Variants in ANXA13 observed in about 807,000 individuals in gnomAD.
ANXA13 encodes annexin XIII.
A neutral mutation model predicts 46.6 loss-of-function variants in ANXA13; 36 were observed. The observed-to-expected ratio is 0.77, with a 90% CI of 0.59 to 1.02. The LOEUF is 1.02. Among genes scored for constraint, ANXA13 ranks in the 50% least tolerant of loss-of-function variants. The probability of loss-of-function intolerance (pLI) is 0.00; values close to 1 mark genes in which losing one functional copy is unlikely to be tolerated. For missense variants in ANXA13, 417 were observed against 396.5 expected, an observed-to-expected ratio of 1.05 and a Z score of -0.44; for synonymous variants, 163 against 152.9, an observed-to-expected ratio of 1.07 and a Z score of -0.49.
intron 2 of ANXA13, among the ~76,000 whole-genome samples, chr8:123,708,402 T>C (rs925554219): frequency 2.6e-5 from 4 of 152,176 alleles, no homozygotes; most frequent in African/African-American, 9.7e-5. Context: ...AGAACAGTGA[T>C]CGGGGCTGTG....
chr8:123,708,342 A>G (rs1168519439), intron 2 of ANXA13, among the ~76,000 whole-genome samples: 1 of 152,174 alleles, frequency 6.6e-6, no homozygotes, highest in Admixed American at 6.5e-5. Context: ...GTCACATTTC[A>G]GCAGGAAGGG....
At chr8:123,722,833 GGCTGTTAGGAA>G (rs1384665026) in intron 1 of ANXA13, among the ~76,000 whole-genome samples, 3 of 152,262 alleles carry the variant, frequency 2.0e-5, no homozygotes, top group South Asian at 4.1e-4. Flanking sequence ...GCCCTTCAAA[GGCTGTTAGGAA>G]GCTTCTTCCT....
At chr8:123,728,345 G>T (rs773413574) in intron 1 of ANXA13, 3 of 152,182 alleles carry the variant, frequency 2.0e-5, no homozygotes, top group Non-Finnish European at 4.4e-5. Flanking sequence ...AGGATAAAGT[G>T]GTTGTGTGGA....
At chr8:123,736,204 C>T (rs912406281) in intron 1 of ANXA13, among the ~76,000 whole-genome samples, 17 of 152,134 alleles carry the variant, frequency 1.1e-4, no homozygotes, top group Non-Finnish European at 2.1e-4. Flanking sequence ...GAAGGAAAAA[C>T]CTTATAGACA....
At chr8:123,719,697 G>C (rs1248374804) in intron 1 of ANXA13, among the ~76,000 whole-genome samples, 1 of 152,182 alleles carries the variant, frequency 6.6e-6, no homozygotes, top group African/African-American at 2.4e-5. Context: ...CTGTGTACTT[G>C]CGTGCTTACT....
At chr8:123,722,079 A>G (rs566281598) in intron 1 of ANXA13, among the ~76,000 whole-genome samples, 15 of 152,200 alleles carry the variant, frequency 9.9e-5, no homozygotes, top group African/African-American at 3.6e-4. Context: ...CCAAGGCGGG[A>G]GGATTGCTTG....
chr8:123,703,983 G>A (rs1174814653), intron 2 of ANXA13, among the ~76,000 whole-genome samples: 1 of 152,096 alleles, frequency 6.6e-6, no homozygotes, highest in East Asian at 1.9e-4. Context: ...CATGACATTG[G>A]GCAAGTGATT....
intron 10 of ANXA13, among the ~76,000 whole-genome samples, chr8:123,682,745 T>C (rs1189731265): frequency 1.1e-4 from 17 of 152,050 alleles, no homozygotes. Flanking sequence ...AGGGATGGGG[T>C]GCACAGGGCT....
At chr8:123,700,842 C>T (rs1405935593) in intron 3 of ANXA13, among the ~76,000 whole-genome samples, 1 of 151,606 alleles carries the variant, frequency 6.6e-6, no homozygotes, top group Non-Finnish European at 1.5e-5. Context: ...TCTTTCCTTT[C>T]CACAGGGTCT....
intron 3 of ANXA13, 128 bp downstream of exon 3, chr8:123,702,514 T>G: frequency 1.4e-6 from 1 of 725,392 alleles, no homozygotes; most frequent in Non-Finnish European, 2.3e-6. Flanking sequence ...TAAGTGGTTA[T>G]TTCACTTTTC....
intron 1 of ANXA13, among the ~76,000 whole-genome samples, chr8:123,714,872 T>C (rs1253426094): frequency 1.3e-5 from 2 of 152,204 alleles, no homozygotes; most frequent in Non-Finnish European, 2.9e-5. Flanking sequence ...GCCTTCCAGG[T>C]AAGGAAACCT....
intron 2 of ANXA13, 95 bp from the exon 3 acceptor site, chr8:123,702,831 T>A: frequency 1.8e-6 from 2 of 1,142,176 alleles, no homozygotes; most frequent in Non-Finnish European, 2.6e-6. Context: ...ACTCACAGCT[T>A]AAAGGTGGTT....
chr8:123,682,906 C>A (rs1052250812), intron 10 of ANXA13, among the ~76,000 whole-genome samples: 1 of 152,192 alleles, frequency 6.6e-6, no homozygotes, highest in African/African-American at 2.4e-5. Flanking sequence ...GAATAAAACA[C>A]TCCGTGGGCC....
intron 1 of ANXA13, among the ~76,000 whole-genome samples, chr8:123,713,271 C>G (rs976574679): frequency 6.6e-6 from 1 of 152,148 alleles, no homozygotes; most frequent in Non-Finnish European, 1.5e-5. Context: ...AGTAAAAGCA[C>G]AGTTTTGGTT....
intron 2 of ANXA13, among the ~76,000 whole-genome samples, chr8:123,708,250 A>G (rs1813582185): frequency 6.6e-6 from 1 of 152,198 alleles, no homozygotes; most frequent in Non-Finnish European, 1.5e-5. Flanking sequence ...GAGGTCAAAG[A>G]CGGGGCAATA....
chr8:123,726,941 A>G (rs1814011022), intron 1 of ANXA13, among the ~76,000 whole-genome samples: 2 of 152,232 alleles, frequency 1.3e-5, no homozygotes, highest in Admixed American at 1.3e-4. Context: ...TTCTAAGTGA[A>G]GTAACTCAGG....
rs1563607780 is a variant in ANXA13 at position 123,695,529 on chromosome 8, T to C, written c.444A>G (p.Leu148=). Residue 148 remains leucine, a synonymous_variant, in exon 6 of 11, where the codon CTA becomes CTG. Transcript: ENST00000419625. Reference sequence around the variant, plus strand: ...GCAGCAGAGACACCAGGATTTTTTTTAGGTTTCCACTTGTATCACCTTTGA... The same window carrying C: ...GCAGCAGAGACACCAGGATTTTTTTCAGGTTTCCACTTGTATCACCTTTGA... ...SDVKGDTSGN[L]KKILVSLLQA... The C allele has an allele frequency of 2.5e-6, 4 of 1,614,168 alleles. No individual in the cohort carries two copies. The Admixed American group carries it at 5.0e-5, about 20-fold the overall frequency.
chr8:123,705,347 C>T (rs1813520314), intron 2 of ANXA13, among the ~76,000 whole-genome samples: 1 of 152,174 alleles, frequency 6.6e-6, no homozygotes, highest in African/African-American at 2.4e-5. Context: ...TTTAGTGATT[C>T]CTCTTGACTC....
chr8:123,723,482 C>T (rs1813925245), intron 1 of ANXA13, among the ~76,000 whole-genome samples: 1 of 152,196 alleles, frequency 6.6e-6, no homozygotes, highest in African/African-American at 2.4e-5. Flanking sequence ...GGGACAGTTC[C>T]AGGTAAACCA....
Sources: allele counts gnomAD v4.1 joint callset (sites outside exome capture counted in the v4.1 genomes callset), GRCh38; gene constraint gnomAD v4.1.1; transcripts MANE v1.5; gene names NCBI Gene and HGNC (gene_info 2026-07-23, HGNC 2026-07-21).